The following CDKAL1 variants were observed in gnomAD, a reference collection of about 807,000 sequenced individuals.
CDKAL1 encodes threonylcarbamoyladenosine tRNA methylthiotransferase.
A neutral mutation model predicts 68.2 loss-of-function variants in CDKAL1; 32 were observed. The ratio of observed to expected loss-of-function variants is 0.47; its 90% CI spans 0.35 to 0.63. The LOEUF (loss-of-function observed/expected upper bound fraction) is 0.63. Among genes scored for constraint, CDKAL1 ranks in the 30% least tolerant of loss-of-function variants. The pLI is 0.00. For missense variants in CDKAL1, 606 were observed against 696.7 expected (o/e 0.87, Z 1.47); for synonymous variants, 234 against 244.3 (o/e 0.96, Z 0.39).
intron 10 of CDKAL1, among the ~76,000 whole-genome samples, chr6:20,997,061 G>C (rs892484996): frequency 6.6e-6 from 1 of 152,150 alleles, no homozygotes; most frequent in African/African-American, 2.4e-5. Flanking sequence ...ACCCATATCT[G>C]TATTTAAATG....
intron 8 of CDKAL1, among the ~76,000 whole-genome samples, chr6:20,815,835 T>C (rs1777020492): frequency 6.6e-6 from 1 of 152,196 alleles, no homozygotes; most frequent in Non-Finnish European, 1.5e-5. Context: ...GAGATCAGTT[T>C]TCTGTGCACA....
At chr6:21,201,034 T>C (rs35662535) in intron 14 of CDKAL1, 76 bp from the exon 15 acceptor site, 22,471 of 1,340,114 alleles carry the variant, frequency 0.017, 221 homozygotes, top group Non-Finnish European at 0.02. Context: ...TTTGCAATAA[T>C]TCTATAAATC....
At chr6:20,802,647 G>C (rs1213261893) in intron 8 of CDKAL1, among the ~76,000 whole-genome samples, 1 of 152,074 alleles carries the variant, frequency 6.6e-6, no homozygotes, top group Non-Finnish European at 1.5e-5. Context: ...TTGCAAAGGG[G>C]TACCACAAAA....
chr6:21,047,749 G>A (rs1409248298), intron 11 of CDKAL1, among the ~76,000 whole-genome samples: 1 of 152,154 alleles, frequency 6.6e-6, no homozygotes, highest in African/African-American at 2.4e-5. Context: ...CATCATAGAG[G>A]TACAAAGGAG....
intron 5 of CDKAL1, among the ~76,000 whole-genome samples, chr6:20,673,345 C>T (rs914465420): frequency 6.6e-6 from 1 of 152,178 alleles, no homozygotes; most frequent in East Asian, 1.9e-4. Flanking sequence ...TTGCACATAA[C>T]CTATGCATAT....
At chr6:20,734,261 G>A (rs1316435056) in intron 5 of CDKAL1, among the ~76,000 whole-genome samples, 2 of 151,754 alleles carry the variant, frequency 1.3e-5, no homozygotes, top group Non-Finnish European at 2.9e-5. Flanking sequence ...TATTACTCAA[G>A]TTAATGCTCT....
chr6:20,861,059 C>T (rs1401922022), intron 9 of CDKAL1, among the ~76,000 whole-genome samples: 2 of 151,276 alleles, frequency 1.3e-5, no homozygotes, highest in Non-Finnish European at 2.9e-5. Flanking sequence ...AAGTGACAGG[C>T]TTCAGTGATG....
intron 11 of CDKAL1, among the ~76,000 whole-genome samples, chr6:21,026,755 C>T (rs1179361072): frequency 6.6e-6 from 1 of 152,136 alleles, no homozygotes; most frequent in East Asian, 1.9e-4. Context: ...GCAGTCTTAA[C>T]TATGATGTTA....
intron 12 of CDKAL1, among the ~76,000 whole-genome samples, chr6:21,084,641 A>G (rs932364932): frequency 1.3e-5 from 2 of 152,174 alleles, no homozygotes; most frequent in African/African-American, 4.8e-5. Context: ...CTCAATGTTT[A>G]TTATCAGTGA....
At chr6:21,087,100 TA>T (rs1772734792) in intron 12 of CDKAL1, among the ~76,000 whole-genome samples, 1 of 152,194 alleles carries the variant, frequency 6.6e-6, no homozygotes. Flanking sequence ...CACCCAGGCC[TA>T]AGACAACAAT....
chr6:21,010,170 T>G (rs149190275), intron 11 of CDKAL1, among the ~76,000 whole-genome samples: 246 of 152,332 alleles, frequency 1.6e-3, no homozygotes, highest in African/African-American at 4.6e-3. Context: ...AAGCTATGTT[T>G]GAATGTGACC....
At chr6:21,033,149 A>G (rs1171397202) in intron 11 of CDKAL1, among the ~76,000 whole-genome samples, 2 of 152,148 alleles carry the variant, frequency 1.3e-5, no homozygotes, top group Non-Finnish European at 2.9e-5. Context: ...AATTAGGATG[A>G]ATTCAGATTT....
intron 9 of CDKAL1, among the ~76,000 whole-genome samples, chr6:20,891,025 A>G (rs113119130): frequency 1.0e-3 from 158 of 152,282 alleles, no homozygotes; most frequent in African/African-American, 3.6e-3. Flanking sequence ...GTGAAAGGAT[A>G]AATAATTTGC....
intron 14 of CDKAL1, among the ~76,000 whole-genome samples, chr6:21,198,484 T>G (rs1778558756): frequency 6.6e-6 from 1 of 152,210 alleles, no homozygotes; most frequent in South Asian, 2.1e-4. Context: ...GGGCAGGGAT[T>G]TCCTCTCGCT....
intron 13 of CDKAL1, among the ~76,000 whole-genome samples, chr6:21,171,777 G>T (rs1777399068): frequency 6.6e-6 from 1 of 152,126 alleles, no homozygotes; most frequent in Admixed American, 6.5e-5. Context: ...AGGGGTTTTG[G>T]TAGAAACTGC....
intron 8 of CDKAL1, among the ~76,000 whole-genome samples, chr6:20,817,113 T>C (rs779466560): frequency 5.3e-5 from 8 of 152,124 alleles, no homozygotes; most frequent in Admixed American, 1.3e-4. Context: ...ACTAGAAAAA[T>C]GAAAACAAAA....
intron 10 of CDKAL1, among the ~76,000 whole-genome samples, chr6:20,977,282 A>G (rs904337154): frequency 6.6e-6 from 1 of 152,224 alleles, no homozygotes; most frequent in Non-Finnish European, 1.5e-5. Context: ...TATTTATGTT[A>G]GATATATGAT....
At chr6:21,201,322 T>C in intron 15 of CDKAL1, 48 bp downstream of exon 15, 1 of 1,499,300 alleles carries the variant, frequency 6.7e-7, no homozygotes, top group Non-Finnish European at 9.1e-7. Flanking sequence ...AAACAGCAGC[T>C]GTGGAAGCAC....
intron 5 of CDKAL1, among the ~76,000 whole-genome samples, chr6:20,736,161 GATTAGCAAACT>G (rs58789330): frequency 0.12 from 17,551 of 151,774 alleles, 1,357 homozygotes; most frequent in East Asian, 0.33. Flanking sequence ...TTAAGCTGTG[GATTAGCAAACT>G]ATTAGCAAAC....
Sources: allele counts gnomAD v4.1 joint callset (sites outside exome capture counted in the v4.1 genomes callset), GRCh38; gene constraint gnomAD v4.1.1; transcripts MANE v1.5; gene names NCBI Gene and HGNC (gene_info 2026-07-23, HGNC 2026-07-21).